DPP6: variants seen among roughly 807,000 people sequenced by gnomAD.
DPP6 encodes the protein A-type potassium channel modulatory protein DPP6.
In DPP6, 69 loss-of-function variants were observed where a neutral mutation model predicts 122.6. The ratio of observed to expected loss-of-function variants is 0.56; its 90% CI spans 0.46 to 0.69. DPP6 has a LOEUF of 0.69. Among genes scored for constraint, DPP6 ranks in the 30% least tolerant of loss-of-function variants. The probability of loss-of-function intolerance (pLI) is 0.00; values close to 1 mark genes in which losing one functional copy is unlikely to be tolerated. For synonymous variants in DPP6, 418 were observed against 433.1 expected, an observed-to-expected ratio of 0.97 and a Z score of 0.43; for missense variants, 928 against 1,116.9, an observed-to-expected ratio of 0.83 and a Z score of 2.41.
intron 1 of DPP6, among the ~76,000 whole-genome samples, chr7:154,442,322 GATAAATTA>G (rs1297840719): frequency 6.6e-6 from 1 of 152,138 alleles, no homozygotes; most frequent in Non-Finnish European, 1.5e-5. Flanking sequence ...ATATTAAAGA[GATAAATTA>G]ATAGTGGAAC....
chr7:153,832,755 T>C, the DPP6 span, among the ~76,000 whole-genome samples: 1 of 126,128 alleles, frequency 7.9e-6, no homozygotes, highest in Non-Finnish European at 1.8e-5. Context: ...CAGTGATTTT[T>C]TTCTGTAAGC....
chr7:154,370,231 C>CCT (rs1256821844), intron 1 of DPP6, among the ~76,000 whole-genome samples: 2 of 152,296 alleles, frequency 1.3e-5, no homozygotes, highest in Middle Eastern at 3.4e-3. Context: ...GATCTGCCTG[C>CCT]CTCGGCCTCC....
At chr7:154,215,746 C>T (rs1174307118) in intron 1 of DPP6, among the ~76,000 whole-genome samples, 1 of 152,016 alleles carries the variant, frequency 6.6e-6, no homozygotes, top group Non-Finnish European at 1.5e-5. Context: ...ATGAGGAGAT[C>T]CCCAAATAGT....
intron 4 of DPP6, among the ~76,000 whole-genome samples, chr7:154,546,838 G>C (rs1257361162): frequency 6.6e-6 from 1 of 152,182 alleles, no homozygotes; most frequent in Non-Finnish European, 1.5e-5. Flanking sequence ...ATTAGAACTC[G>C]AGACTACTTT....
chr7:154,648,954 G>A (rs1586807974), intron 6 of DPP6, among the ~76,000 whole-genome samples: 1 of 151,600 alleles, frequency 6.6e-6, no homozygotes. Flanking sequence ...TAAAGGCATC[G>A]TTTAGTAAGG....
intron 1 of DPP6, among the ~76,000 whole-genome samples, chr7:153,971,583 ATATCTTTTGGCAGG>A (rs1240214763): frequency 6.1e-5 from 8 of 131,374 alleles, no homozygotes; most frequent in Non-Finnish European, 8.4e-5. Flanking sequence ...CATTTGGCAG[ATATCTTTTGGCAGG>A]TTATGAGAGT....
At chr7:154,748,342 C>G (rs1372808181) in intron 8 of DPP6, among the ~76,000 whole-genome samples, 2 of 152,204 alleles carry the variant, frequency 1.3e-5, no homozygotes, top group Non-Finnish European at 2.9e-5. Context: ...CAAAGGGAAG[C>G]AGACTGGACA....
intron 1 of DPP6, among the ~76,000 whole-genome samples, chr7:154,147,350 A>C (rs3115157): frequency 1.3e-5 from 2 of 152,092 alleles, no homozygotes; most frequent in Non-Finnish European, 2.9e-5. Flanking sequence ...AAACATAAGA[A>C]TAAAGGCAAA....
chr7:154,381,452 G>A (rs188608252), intron 1 of DPP6, among the ~76,000 whole-genome samples: 126 of 152,222 alleles, frequency 8.3e-4, no homozygotes, highest in African/African-American at 2.9e-3. Flanking sequence ...TGTACATATC[G>A]GTATGTATAG....
At chr7:154,112,652 G>GA (rs71520147) in intron 1 of DPP6, among the ~76,000 whole-genome samples, 84 of 136,060 alleles carry the variant, frequency 6.2e-4, no homozygotes, top group African/African-American at 1.5e-3. Context: ...CTCAAAAAAA[G>GA]AAAAAAAAAA....
chr7:153,781,852 T>G, the DPP6 span, among the ~76,000 whole-genome samples: 1 of 152,050 alleles, frequency 6.6e-6, no homozygotes, highest in Non-Finnish European at 1.5e-5. Context: ...ATTTGAATGT[T>G]AGCTTAATTT....
upstream of DPP6, among the ~76,000 whole-genome samples, chr7:153,886,696 C>T (rs1417597274): frequency 1.3e-5 from 2 of 152,174 alleles, no homozygotes; most frequent in African/African-American, 4.8e-5. Flanking sequence ...AGAGGCCAAC[C>T]CAGAGTGCAA....
intron 7 of DPP6, among the ~76,000 whole-genome samples, chr7:154,698,327 G>A (rs1563116181): frequency 6.6e-6 from 1 of 152,304 alleles, no homozygotes; most frequent in East Asian, 1.9e-4. Flanking sequence ...CACTGATGCT[G>A]TGAAGCACCT....
intron 16 of DPP6, among the ~76,000 whole-genome samples, chr7:154,819,987 T>C (rs897119859): frequency 1.3e-5 from 2 of 152,024 alleles, no homozygotes; most frequent in African/African-American, 4.8e-5. Context: ...GAGTGGACGG[T>C]GGGGCTGGAA....
At chr7:153,749,510 T>A in the DPP6 span, among the ~76,000 whole-genome samples, 1 of 152,118 alleles carries the variant, frequency 6.6e-6, no homozygotes, top group Non-Finnish European at 1.5e-5. The surrounding 1 kb of genome is among the most constrained non-coding windows in gnomAD (Gnocchi z 4.1). Flanking sequence ...AATGGAGCGA[T>A]GCGTGCCTGG....
At chr7:153,859,102 G>C in the DPP6 span, among the ~76,000 whole-genome samples, 70 of 152,324 alleles carry the variant, frequency 4.6e-4, 1 homozygote, top group South Asian at 0.014. Flanking sequence ...GTAAAAAGCT[G>C]TTCAACAGCA....
chr7:154,644,886 A>G (rs1836347614), intron 6 of DPP6, among the ~76,000 whole-genome samples: 1 of 151,828 alleles, frequency 6.6e-6, no homozygotes, highest in Admixed American at 6.6e-5. Context: ...TTTCTTTTGC[A>G]TTTTAGTAGA....
chr7:154,269,854 A>C (rs1039806429), intron 1 of DPP6, among the ~76,000 whole-genome samples: 38 of 152,228 alleles, frequency 2.5e-4, no homozygotes, highest in African/African-American at 8.7e-4. Flanking sequence ...AATGTGATGT[A>C]TAAGAAAAAC....
intron 1 of DPP6, among the ~76,000 whole-genome samples, chr7:154,123,062 C>T: frequency 6.6e-6 from 1 of 152,154 alleles, no homozygotes; most frequent in Non-Finnish European, 1.5e-5. Flanking sequence ...GGTCGGACAC[C>T]TGGACTGGCA....
Sources: gnomAD v4.1 joint callset for allele counts (sites outside exome capture counted in the v4.1 genomes callset) on GRCh38, gnomAD v4.1.1 for gene constraint, Gnocchi (gnomAD v3.1) non-coding constraint, MANE v1.5 for transcripts, NCBI Gene and HGNC (gene_info 2026-07-23, HGNC 2026-07-21) for gene names.